MUC5B: variants seen among roughly 807,000 people sequenced by gnomAD.
MUC5B encodes the protein mucin 5B, oligomeric mucus/gel-forming.
MUC5B carries 116 observed loss-of-function variants against 376.9 expected under a neutral mutation model. That is an observed-to-expected ratio of 0.31 (90% CI 0.26 to 0.36). The LOEUF is 0.36. MUC5B is among the 10% of genes least tolerant of loss of function. The pLI is 1.00. For synonymous variants in MUC5B, 3,517 were observed against 3,390.9 expected, an observed-to-expected ratio of 1.04 and a Z score of -1.29; for missense variants, 7,165 against 7,769.9, an observed-to-expected ratio of 0.92 and a Z score of 2.93.
In MUC5B at chr11:1,252,590, G is replaced by A. The variant is rs1223328132; in HGVS notation, c.15045+66G>A. ...ACGGTCTGGGTTGGCTGGAGGCACAGCCACAGTCCAGCTCCCGAGGCCCGT... is the reference window on the plus strand; with the variant it reads ...ACGGTCTGGGTTGGCTGGAGGCACAACCACAGTCCAGCTCCCGAGGCCCGT... On this transcript the variant is annotated intron_variant, in intron 32 of 48. Transcript: ENST00000529681. 2.1e-6 allele frequency: 3 copies of A among 1,444,844 alleles called. No homozygotes were observed. In the African/African-American group the frequency reaches 4.3e-5, roughly 21 times the overall value. 89.5% of individuals were successfully genotyped at this position (1,444,844 alleles called of 1,614,324 possible).
chr11:1,250,614 G>A lies in MUC5B; in HGVS notation c.13734G>A (p.Val4578=), dbSNP rs1456985176. The part of the protein sequence containing the change: ...TATTTGATGS[V]ATPSSTPGTA... Reference sequence around the variant, plus strand: ...CCACAACCGGGGCCACCGGCTCTGTGGCCACCCCCTCCTCCACCCCAGGAA... The same window carrying A: ...CCACAACCGGGGCCACCGGCTCTGTAGCCACCCCCTCCTCCACCCCAGGAA... The change falls in exon 31 of 49, where the codon GTG becomes GTA. Residue 4578 remains valine, a synonymous_variant. Transcript: ENST00000529681. The A allele has an allele frequency of 6.2e-7, 1 of 1,611,274 alleles. No homozygotes were observed. Among genetic ancestry groups the A allele is most frequent in the Admixed American group, 1.7e-5 (1 of 59,740 alleles).
Position 1,228,871 on chromosome 11 carries a change from G to T in MUC5B, c.976+106G>T, listed in dbSNP as rs1861955298. ...GGGAGGCCTGGGGGACAGGGGTGGAGGGCAGAGGACCCACCCCAGGCATAG... is the reference window on the plus strand; with the variant it reads ...GGGAGGCCTGGGGGACAGGGGTGGATGGCAGAGGACCCACCCCAGGCATAG... On this transcript the variant is annotated intron_variant, in intron 8 of 48. Coordinates refer to ENST00000529681, the MANE Select transcript of MUC5B (RefSeq NM_002458.3). 3 of 1,134,358 alleles carry T rather than the reference G, an allele frequency of 2.6e-6. No individual in the cohort carries two copies. The African/African-American group carries it at 4.7e-5, about 18-fold the overall frequency. The allele number at this position is 1,134,358 out of a possible 1,614,324, so 70.3% of individuals were successfully genotyped here.
rs1307358724 is a variant in MUC5B, at chr11:1,241,008, T to A, written c.4128T>A (p.Ala1376=). 1 of 1,613,178 alleles carries A rather than the reference T, an allele frequency of 6.2e-7. No homozygotes were observed. Among genetic ancestry groups the A allele is most frequent in the Admixed American group, 1.7e-5 (1 of 60,024 alleles). The part of the protein sequence containing the change: ...QRGYQVCPVL[A]DIECRAAQLP... ...GGTACCAGGTATGCCCTGTGCTGGCTGACATCGAGTGCCGGGCGGCGCAGC... is the reference window on the plus strand; with the variant it reads ...GGTACCAGGTATGCCCTGTGCTGGCAGACATCGAGTGCCGGGCGGCGCAGC... Residue 1376 remains alanine (A), a synonymous_variant, in exon 31 of 49, where the codon GCT becomes GCA. Transcript: ENST00000529681.
At position 1,259,756 on chromosome 11, in the gene MUC5B, G is replaced by A; in HGVS notation, c.16714G>A (p.Gly5572Ser). Residue 5572 changes from glycine (G) to serine (S), a missense_variant and splice_region_variant, in exon 45 of 49, where the codon GGC (glycine) becomes AGC (serine). This residue lies in a region of MUC5B where 842 missense variants were observed against 1,016.9 expected (regional missense o/e 0.83). Coordinates refer to ENST00000529681, the MANE Select transcript of MUC5B (RefSeq NM_002458.3). The part of the protein sequence containing the change: ...DACNNTTCPQ[G>S]FEYKRVAGQC... ...CCTGACGCCCCTCATGTCCCCACAG[G>A]GCTTTGAGTACAAGAGAGTGGCCGG... 6.2e-7 allele frequency: 1 copy of A among 1,612,378 alleles called. No homozygotes were observed. Among genetic ancestry groups the A allele is most frequent in the East Asian group, 2.2e-5 (1 of 44,882 alleles).
Position 1,258,202 on chromosome 11 carries a change from C to T in MUC5B, c.16554C>T (p.Cys5518=), listed in dbSNP as rs753228237. The change falls in exon 42 of 49, where the codon TGC becomes TGT. Residue 5518 remains cysteine (C), a splice_region_variant and synonymous_variant. Coordinates refer to ENST00000529681, the MANE Select transcript of MUC5B (RefSeq NM_002458.3). This position sits in a 1 kb window ranked among gnomAD's most constrained non-coding sequence, Gnocchi z 5.5. ...EEGDCCPTFR[C]RPQLCSYNGT... is the part of the protein sequence containing the mutation. ...GCGACTGCTGTCCCACCTTCCGCTG[C>T]AGTGAGCGGGGCTGGGGCCGGGCTC... 2.5e-6 allele frequency: 4 copies of T among 1,589,674 alleles called. No homozygotes were observed. The African/African-American group carries it at 5.4e-5, about 21-fold the overall frequency.
intron 23 of MUC5B, 124 bp downstream of exon 23, chr11:1,235,537 G>C: frequency 7.4e-6 from 6 of 812,400 alleles, no homozygotes; most frequent in Admixed American, 2.3e-5. Flanking sequence ...CCGGGCTGCT[G>C]TTCCAAGCAG....
chr11:1,244,744 T>C lies in MUC5B; in HGVS notation c.7864T>C (p.Ser2622Pro). 1 of 1,611,244 alleles carries C rather than the reference T, an allele frequency of 6.2e-7. No individual in the cohort carries two copies. Among genetic ancestry groups the C allele is most frequent in the Non-Finnish European group, 8.5e-7 (1 of 1,178,846 alleles). ...CACGGGCTTCACAGCCACCCCCTCC[T>C]CCAGCCCAGGGACGGCACGCACGCT... ...TTTGFTATPSSSPGTARTLPV... is the reference protein window; with the variant it reads ...TTTGFTATPSPSPGTARTLPV... Residue 2622 changes from serine (S) to proline (P), a missense_variant, in exon 31 of 49, where the codon TCC becomes CCC. Transcript: ENST00000529681.
intron 1 of MUC5B, 168 bp downstream of exon 1, chr11:1,223,361 C>T (rs1308832612): frequency 2.9e-6 from 2 of 689,378 alleles, no homozygotes; most frequent in Admixed American, 4.0e-5. Context: ...GCTCTGGGGC[C>T]CCACGGGCTC....
intron 25 of MUC5B, 146 bp from the exon 26 acceptor site, chr11:1,238,725 T>G: frequency 1.1e-6 from 1 of 881,228 alleles, no homozygotes; most frequent in Non-Finnish European, 1.8e-6. Flanking sequence ...GGGCACGCTC[T>G]GAGGTATTCC....
chr11:1,224,551 C>T (rs1488247916), intron 1 of MUC5B, among the ~76,000 whole-genome samples: 3 of 35,104 alleles, frequency 8.5e-5, no homozygotes, highest in Non-Finnish European at 1.6e-4. Flanking sequence ...GCTGTAGGGC[C>T]AGGGAGGGGC....
At position 1,242,743 on chromosome 11, in the gene MUC5B, C is replaced by A. The variant is rs765020045; in HGVS notation, c.5863C>A (p.Pro1955Thr). 6.2e-7 allele frequency: 1 copy of A among 1,613,390 alleles called. No individual in the cohort carries two copies. ...CACAGTCACCAGCTCCAAAGCCACT[C>A]CCTCCTCCAGTCCAGGGACTGCAAC... ...TPTVTSSKAT[P>T]SSSPGTATAL... Residue 1955 changes from proline to threonine, a missense_variant, in exon 31 of 49, where the codon CCC becomes ACC. This residue lies in a region of MUC5B where 897 missense variants were observed against 779.6 expected (regional missense o/e 1.15). Coordinates refer to ENST00000529681, the MANE Select transcript of MUC5B (RefSeq NM_002458.3).
In MUC5B at chr11:1,245,663, G is replaced by A. The variant is rs377303931; in HGVS notation, c.8783G>A (p.Arg2928Gln). The A allele has an allele frequency of 2.8e-4, 443 of 1,603,468 alleles. 10 individuals carry two copies. The African/African-American group carries it at 4.9e-3, about 18-fold the overall frequency. Residue 2928 changes from arginine (R) to glutamine (Q), a missense_variant, in exon 31 of 49, where the codon CGG becomes CAG. Around this residue, in one of 31 missense-constraint regions of MUC5B, gnomAD observed 57 missense variants for 167.2 expected, o/e 0.34. Transcript: ENST00000529681. ...CAGGCCCAGCCTGGTGTCCCCCTGCGGGAGTTGGGCCAGGTCGTGGAATGC... is the reference window on the plus strand; with the variant it reads ...CAGGCCCAGCCTGGTGTCCCCCTGCAGGAGTTGGGCCAGGTCGTGGAATGC... Reference protein sequence around the residue: ...RAQAQPGVPLRELGQVVECSL... With the variant: ...RAQAQPGVPLQELGQVVECSL...
In MUC5B at chr11:1,253,112, A is replaced by C; in HGVS notation, c.15217+132A>C. On this transcript the variant is annotated intron_variant, in intron 33 of 48. Coordinates refer to ENST00000529681, the MANE Select transcript of MUC5B (RefSeq NM_002458.3). This position sits in a 1 kb window ranked among gnomAD's most constrained non-coding sequence, Gnocchi z 4.3. ...GGGGAATGGTGGGGCATGGTGGGGC[A>C]TGGTGGGGTGCAGTGGGGCATGGTG... The C allele has an allele frequency of 2.3e-6, 1 of 439,368 alleles. No individual in the cohort carries two copies. The highest frequency in any genetic ancestry group is 5.8e-5 in the East Asian group (1 of 17,130). 27.2% of individuals were successfully genotyped at this position (439,368 alleles called of 1,614,324 possible). A position where few individuals can be genotyped will look rare whatever the true frequency, so the allele number is the denominator to read the frequency against.
In MUC5B at chr11:1,245,474, C is replaced by T. The variant is rs201721974; in HGVS notation, c.8594C>T (p.Thr2865Met). 1.6e-4 allele frequency: 218 copies of T among 1,329,162 alleles called. 40 individuals are homozygous for T. The African/African-American group carries it at 2.6e-3, about 16-fold the overall frequency. The allele number at this position is 1,329,162 out of a possible 1,614,324, so 82.3% of individuals were successfully genotyped here. ...AGCCCCACATCGGCCCCAATAACCA[C>T]GGTGGTGACCATGGGCTGTGAGCCC... ...PSSPTSAPIT[T>M]VVTMGCEPQC... Residue 2865 changes from threonine to methionine, a missense_variant, in exon 31 of 49, where the codon ACG becomes ATG. Around this residue, in one of 31 missense-constraint regions of MUC5B, gnomAD observed 57 missense variants for 167.2 expected, o/e 0.34. Coordinates refer to ENST00000529681, the MANE Select transcript of MUC5B (RefSeq NM_002458.3).
chr11:1,242,814 C>T lies in MUC5B; in HGVS notation c.5934C>T (p.Thr1978=), dbSNP rs755738982. The T allele has an allele frequency of 3.7e-6, 6 of 1,613,242 alleles. No individual in the cohort carries two copies. Among genetic ancestry groups the T allele is most frequent in the Non-Finnish European group, 5.1e-6 (6 of 1,179,620 alleles). The change falls in exon 31 of 49, where the codon ACC becomes ACT. Residue 1978 remains threonine (T), a synonymous_variant. Transcript: ENST00000529681. ...GCACAGCCACCACACCCACAGCTAC[C>T]AGCGTTACACCCATCCCCTCTTCCT... ...LRSTATTPTA[T]SVTPIPSSSL...
Position 1,227,064 on chromosome 11 carries a change from G to C in MUC5B, c.495G>C (p.Leu165=). 5.0e-6 allele frequency: 8 copies of C among 1,612,136 alleles called. No homozygotes were observed. The highest frequency in any genetic ancestry group is 5.9e-6 in the Non-Finnish European group (7 of 1,179,520). ...TGCCTTACAGCCGCACTGGCCTCCT[G>C]GTGGAGCAGAGCGGGGACTACATCA... The part of the protein sequence containing the change: ...EELPYSRTGL[L]VEQSGDYIKV... The change falls in exon 5 of 49, where the codon CTG becomes CTC. Residue 165 remains leucine (L), a synonymous_variant. Transcript: ENST00000529681.
rs776806782 is a variant in MUC5B, at chr11:1,242,207, C to T, written c.5327C>T (p.Thr1776Ile). The change falls in exon 31 of 49, where the codon ACC becomes ATC. Residue 1776 changes from threonine to isoleucine, a missense_variant. Physicochemically the swap from Thr to Ile is moderately conservative, Grantham distance 89. Transcript: ENST00000529681. ...ACAATGAGCCCCTTGACTAACACCA[C>T]CACCAGCCAGGGCACGACCCGCTGT... is the stretch of plus-strand genomic sequence containing the variant. ...ETTMSPLTNT[T>I]TSQGTTRCQP... The T allele has an allele frequency of 1.2e-6, 2 of 1,613,678 alleles. No individual in the cohort carries two copies. Among genetic ancestry groups the T allele is most frequent in the Non-Finnish European group, 1.7e-6 (2 of 1,179,874 alleles).
Position 1,248,418 on chromosome 11 carries a change from C to T in MUC5B, c.11538C>T (p.Ala3846=), listed in dbSNP as rs1862559534. The part of the protein sequence containing the change: ...VLTTTATTTR[A]TGSVATPSST... The stretch of plus-strand genomic sequence containing the variant: ...CCACCACGGCCACCACAACCAGGGC[C>T]ACCGGCTCTGTGGCCACCCCCTCTT... The change falls in exon 31 of 49, where the codon GCC becomes GCT. Residue 3846 remains alanine (A), a synonymous_variant. Coordinates refer to ENST00000529681, the MANE Select transcript of MUC5B (RefSeq NM_002458.3). 1.2e-6 allele frequency: 2 copies of T among 1,612,116 alleles called. No individual in the cohort carries two copies. Among genetic ancestry groups the T allele is most frequent in the East Asian group, 2.2e-5 (1 of 44,840 alleles).
At chr11:1,229,091 C>T in intron 8 of MUC5B, 79 bp from the exon 9 acceptor site, 2 of 1,420,296 alleles carry the variant, frequency 1.4e-6, no homozygotes, top group Non-Finnish European at 1.9e-6. Flanking sequence ...ATGTGGAAGG[C>T]CGTGGAAGGC....
Sources: gnomAD v4.1 joint callset for allele counts (sites outside exome capture counted in the v4.1 genomes callset) on GRCh38, gnomAD v4.1.1 for gene constraint, gnomAD v4.1.1 regional missense constraint, Gnocchi (gnomAD v3.1) non-coding constraint, MANE v1.5 for transcripts, NCBI Gene and HGNC (gene_info 2026-07-23, HGNC 2026-07-21) for gene names.